PCDH9: variants seen among roughly 807,000 people sequenced by gnomAD.
The protein encoded by PCDH9 is protocadherin 9.
PCDH9 carries 24 observed loss-of-function variants against 70.6 expected under a neutral mutation model. The ratio of observed to expected loss-of-function variants is 0.34; its 90% CI spans 0.25 to 0.48. The LOEUF (loss-of-function observed/expected upper bound fraction) is 0.48. Ranked by LOEUF, PCDH9 falls within the 20% of genes least tolerant of loss-of-function variation. PCDH9 has a pLI of 0.99. For missense variants in PCDH9, 1,281 were observed against 1,503.6 expected, an observed-to-expected ratio of 0.85 and a Z score of 2.45; for synonymous variants, 562 against 558.5, an observed-to-expected ratio of 1.01 and a Z score of -0.09.
chr13:66,507,323 T>C (rs190099778), intron 4 of PCDH9, among the ~76,000 whole-genome samples: 82 of 152,346 alleles, frequency 5.4e-4, no homozygotes, highest in African/African-American at 1.8e-3. Context: ...ATACATTTTT[T>C]CTTCATTTTT....
rs187466781 is a variant in PCDH9 at position 66,922,153 on chromosome 13, G to C, written c.3037-18548C>G. ...AAAATGCTCCTAACTGAAACTAGTA[G>C]TCAATCTTGTGATTGACTGTGAATT... On this transcript the variant is annotated intron_variant, in intron 2 of 4. Transcript: ENST00000377865. 3.3e-5 allele frequency among the ~76,000 whole-genome samples: 5 copies of C among 151,354 alleles called. No individual in the cohort carries two copies. The East Asian group carries it at 9.7e-4, about 29-fold the overall frequency.
intron 3 of PCDH9, among the ~76,000 whole-genome samples, chr13:66,859,360 G>GTAT (rs1489822960): frequency 2.0e-5 from 3 of 152,092 alleles, no homozygotes; most frequent in Non-Finnish European, 4.4e-5. Context: ...ATTAGTGTTT[G>GTAT]TATTTGAACA....
chr13:66,344,327 T>C (rs1266691772), intron 4 of PCDH9, among the ~76,000 whole-genome samples: 1 of 152,122 alleles, frequency 6.6e-6, no homozygotes, highest in African/African-American at 2.4e-5. Context: ...GGTTTCACCA[T>C]GTTGGTCAGG....
chr13:66,599,217 T>C (rs1012383921), intron 4 of PCDH9, among the ~76,000 whole-genome samples: 5 of 151,830 alleles, frequency 3.3e-5, no homozygotes, highest in South Asian at 4.1e-4. Flanking sequence ...TACTACTTCA[T>C]GTAGTTGTGA....
intron 4 of PCDH9, among the ~76,000 whole-genome samples, chr13:66,306,538 T>TA (rs368045670): frequency 1.3e-5 from 2 of 151,204 alleles, no homozygotes; most frequent in Admixed American, 6.6e-5. Context: ...ACTATTGATA[T>TA]AAAAAAATTG....
intron 2 of PCDH9, among the ~76,000 whole-genome samples, chr13:66,977,034 C>A (rs149103710): frequency 5.7e-4 from 87 of 152,214 alleles, no homozygotes; most frequent in African/African-American, 2.0e-3. Context: ...AGTCTGTCAT[C>A]TTTAAATGCT....
At chr13:66,878,616 G>A (rs9564356) in intron 3 of PCDH9, among the ~76,000 whole-genome samples, 33,413 of 152,126 alleles carry the variant, frequency 0.22, 4,505 homozygotes, top group East Asian at 0.38. Flanking sequence ...TGGGTACAAC[G>A]GTGGAGACAG....
At chr13:66,451,929 T>C (rs1394196856) in intron 4 of PCDH9, among the ~76,000 whole-genome samples, 1 of 152,218 alleles carries the variant, frequency 6.6e-6, no homozygotes, top group East Asian at 1.9e-4. Context: ...ACTTTTGATA[T>C]GTTAACAATA....
intron 2 of PCDH9, among the ~76,000 whole-genome samples, chr13:66,990,616 CAT>C (rs968402582): frequency 1.3e-5 from 2 of 149,214 alleles, no homozygotes; most frequent in Admixed American, 6.7e-5. Context: ...CATATAAACA[CAT>C]ATATATAAAA....
chr13:66,786,181 T>C (rs1033054844), intron 3 of PCDH9, among the ~76,000 whole-genome samples: 2 of 152,170 alleles, frequency 1.3e-5, no homozygotes, highest in African/African-American at 4.8e-5. Flanking sequence ...CTCACTTTCC[T>C]AATAGAACCT....
At chr13:66,723,593 A>T (rs1181872482) in intron 3 of PCDH9, among the ~76,000 whole-genome samples, 2 of 152,238 alleles carry the variant, frequency 1.3e-5, no homozygotes, top group Non-Finnish European at 2.9e-5. Context: ...GCTTGGAACC[A>T]GATGGCCTGA....
At chr13:66,471,558 A>G (rs1958620167) in intron 4 of PCDH9, among the ~76,000 whole-genome samples, 1 of 152,198 alleles carries the variant, frequency 6.6e-6, no homozygotes, top group African/African-American at 2.4e-5. Flanking sequence ...TACCTAACAC[A>G]TATATCATAT....
chr13:66,987,086 T>C (rs2083907210), intron 2 of PCDH9, among the ~76,000 whole-genome samples: 1 of 152,068 alleles, frequency 6.6e-6, no homozygotes, highest in Admixed American at 6.6e-5. Context: ...AATTTTCAAA[T>C]GTTAGTTTTA....
intron 4 of PCDH9, among the ~76,000 whole-genome samples, chr13:66,605,913 T>C (rs11148709): frequency 0.49 from 75,012 of 151,836 alleles, 19,879 homozygotes; most frequent in East Asian, 0.62. Context: ...TCAAGCACAA[T>C]TCATTATTCT....
intron 2 of PCDH9, among the ~76,000 whole-genome samples, chr13:66,990,629 AC>A (rs1453765650): frequency 1.3e-5 from 2 of 150,110 alleles, no homozygotes; most frequent in Non-Finnish European, 3.0e-5. Context: ...ATATATAAAA[AC>A]ATGTATACAT....
chr13:66,761,698 C>T (rs1269150378), intron 3 of PCDH9, among the ~76,000 whole-genome samples: 1 of 151,918 alleles, frequency 6.6e-6, no homozygotes, highest in African/African-American at 2.4e-5. Flanking sequence ...TTTTTCATCT[C>T]TAAGATTTCT....
chr13:66,718,730 G>C (rs1321321695), intron 3 of PCDH9, among the ~76,000 whole-genome samples: 1 of 152,178 alleles, frequency 6.6e-6, no homozygotes, highest in Non-Finnish European at 1.5e-5. Flanking sequence ...AGCACCAAAA[G>C]AAATGTTGGT....
chr13:66,928,165 C>T (rs1185183987), intron 2 of PCDH9, among the ~76,000 whole-genome samples: 1 of 152,012 alleles, frequency 6.6e-6, no homozygotes, highest in Non-Finnish European at 1.5e-5. Flanking sequence ...TGCTGCCTGG[C>T]TTGGCAGATC....
intron 2 of PCDH9, among the ~76,000 whole-genome samples, chr13:67,129,323 A>C (rs1244419576): frequency 6.6e-6 from 1 of 152,220 alleles, no homozygotes; most frequent in African/African-American, 2.4e-5. Flanking sequence ...AATTATGCCT[A>C]TGGTTTAAAA....
Sources: allele counts gnomAD v4.1 joint callset (sites outside exome capture counted in the v4.1 genomes callset), GRCh38; gene constraint gnomAD v4.1.1; transcripts MANE v1.5; gene names NCBI Gene and HGNC (gene_info 2026-07-23, HGNC 2026-07-21).